Variants in AK5 observed in about 807,000 individuals in gnomAD.
AK5 encodes the protein adenylate kinase isoenzyme 5.
A neutral mutation model predicts 69.5 loss-of-function variants in AK5; 27 were observed. The ratio of observed to expected loss-of-function variants is 0.39; its 90% confidence interval spans 0.29 to 0.54. AK5 has a LOEUF of 0.54. Ranked by LOEUF, AK5 falls within the 20% of genes least tolerant of loss-of-function variation. The probability of loss-of-function intolerance (pLI) is 0.71; values close to 1 mark genes in which losing one functional copy is unlikely to be tolerated. For missense variants in AK5, 531 were observed against 700.4 expected (o/e 0.76, Z 2.73); for synonymous variants, 260 against 244.4 (o/e 1.06, Z -0.60).
chr1:77,467,435 A>C (rs1252126746), intron 8 of AK5, among the ~76,000 whole-genome samples: 1 of 151,946 alleles, frequency 6.6e-6, no homozygotes, highest in African/African-American at 2.4e-5. Flanking sequence ...AATAGGAAAA[A>C]CACTTCGGAA....
intron 6 of AK5, among the ~76,000 whole-genome samples, chr1:77,391,125 A>G (rs1310287134): frequency 6.6e-6 from 1 of 152,088 alleles, no homozygotes; most frequent in Admixed American, 6.6e-5. Flanking sequence ...AGAAGGGAGG[A>G]AAAGGAGTCA....
chr1:77,461,606 C>G (rs538305347), intron 8 of AK5, among the ~76,000 whole-genome samples: 1 of 151,754 alleles, frequency 6.6e-6, no homozygotes, highest in Non-Finnish European at 1.5e-5. Context: ...CCCGTCTCTA[C>G]TAAAATTAGA....
chr1:77,439,069 G>C (rs966501117), intron 8 of AK5, among the ~76,000 whole-genome samples: 1 of 152,096 alleles, frequency 6.6e-6, no homozygotes, highest in Non-Finnish European at 1.5e-5. Context: ...CATTTCAGGG[G>C]CTGATAATCT....
In AK5 at chr1:77,518,599, A is replaced by C; in HGVS notation, c.1183A>C (p.Lys395Gln). 1.9e-6 allele frequency: 3 copies of C among 1,614,172 alleles called. No individual in the cohort carries two copies. Among genetic ancestry groups the C allele is most frequent in the Non-Finnish European group, 2.5e-6 (3 of 1,180,006 alleles). Residue 395 changes from lysine to glutamine, a missense_variant, in exon 11 of 14, where the codon AAG becomes CAG. Coordinates refer to ENST00000354567, the MANE Select transcript of AK5 (RefSeq NM_174858.3). ...PGSGKGTQCE[K>Q]LVEKYGFTHL... is the part of the protein sequence containing the mutation. ...CTCTGGCAAAGGCACACAGTGTGAA[A>C]AGCTGGTGGAAAAATATGGATTTAC...
chr1:77,397,541 A>T (rs890250362), intron 6 of AK5, among the ~76,000 whole-genome samples: 7 of 152,134 alleles, frequency 4.6e-5, no homozygotes, highest in African/African-American at 1.7e-4. Context: ...ATCCAATTAA[A>T]TTTTTTTAAT....
At chr1:77,326,525 ATTTTCC>A (rs1660813052) in intron 5 of AK5, among the ~76,000 whole-genome samples, 1 of 151,766 alleles carries the variant, frequency 6.6e-6, no homozygotes, top group Non-Finnish European at 1.5e-5. Flanking sequence ...TTTTTAGTCT[ATTTTCC>A]ATTCAGTAGG....
chr1:77,367,644 G>T (rs1196664812), intron 6 of AK5, among the ~76,000 whole-genome samples: 1 of 40,384 alleles, frequency 2.5e-5, no homozygotes. Context: ...TATATGTTAT[G>T]TTATATATGT....
intron 6 of AK5, among the ~76,000 whole-genome samples, chr1:77,366,871 T>C (rs1405802652): frequency 2.6e-5 from 4 of 151,284 alleles, no homozygotes; most frequent in Admixed American, 1.3e-4. Context: ...TTTTAACTTA[T>C]ATATACCTTA....
intron 8 of AK5, among the ~76,000 whole-genome samples, chr1:77,439,673 A>G (rs1392413773): frequency 2.0e-5 from 3 of 151,754 alleles, no homozygotes; most frequent in Admixed American, 6.6e-5. Flanking sequence ...TGCCTGGCTT[A>G]TTTCACTTAA....
rs557420972 is a variant in AK5, at chr1:77,291,718, A to G, written c.248-2075A>G. 1.3e-5 allele frequency among the ~76,000 whole-genome samples: 2 copies of G among 152,368 alleles called. 1 individual carries two copies. Among genetic ancestry groups the G allele is most frequent in the South Asian group, 4.1e-4 (2 of 4,830 alleles). On this transcript the variant is annotated intron_variant, in intron 2 of 13. Transcript: ENST00000354567. ...TCTGCCAAGCACAGTTCTAGATCCC[A>G]GGGATACAGAGCTCCAGACCGTAGG...
intron 6 of AK5, among the ~76,000 whole-genome samples, chr1:77,343,563 C>A (rs139091626): frequency 6.6e-5 from 10 of 152,216 alleles, no homozygotes; most frequent in African/African-American, 2.4e-4. Flanking sequence ...CTCCATGCAG[C>A]CGCTTTGCCT....
intron 12 of AK5, among the ~76,000 whole-genome samples, chr1:77,527,764 A>C (rs1003843511): frequency 6.6e-6 from 1 of 152,202 alleles, no homozygotes; most frequent in Non-Finnish European, 1.5e-5. Flanking sequence ...CTCCTGCTTT[A>C]AACCTGACCA....
chr1:77,446,647 C>T (rs900222901), intron 8 of AK5, among the ~76,000 whole-genome samples: 3 of 151,912 alleles, frequency 2.0e-5, no homozygotes, highest in African/African-American at 7.3e-5. Context: ...AAATTTATTC[C>T]TAAATATTTT....
intron 8 of AK5, among the ~76,000 whole-genome samples, chr1:77,469,785 A>T (rs1215951975): frequency 6.6e-6 from 1 of 152,242 alleles, no homozygotes; most frequent in Non-Finnish European, 1.5e-5. Context: ...CTTGAAGCAT[A>T]GCCGTGGAAC....
In AK5 at chr1:77,368,302, A is replaced by G. The variant is rs566948525; in HGVS notation, c.891+27734A>G. On this transcript the variant is annotated intron_variant, in intron 6 of 13. Transcript: ENST00000354567. ...TATATGTTATATATATGTTATATATAATATATATGTTATATATAATATATA... is the reference window on the plus strand; with the variant it reads ...TATATGTTATATATATGTTATATATGATATATATGTTATATATAATATATA... Among the ~76,000 whole-genome samples, 12 of 98,186 alleles carry G rather than the reference A, an allele frequency of 1.2e-4. 1 individual carries two copies. The Admixed American group carries it at 1.4e-3, about 12-fold the overall frequency. 64.4% of individuals were successfully genotyped at this position (98,186 alleles called of 152,430 possible).
chr1:77,559,434 A>G lies in AK5; in HGVS notation c.*764A>G, dbSNP rs1342357885. 1 of 152,218 alleles carries G rather than the reference A, an allele frequency of 6.6e-6. No individual in the cohort carries two copies. Among genetic ancestry groups the G allele is most frequent in the African/African-American group, 2.4e-5 (1 of 41,440 alleles). 9.4% of individuals were successfully genotyped at this position (152,218 alleles called of 1,614,324 possible). On this transcript the variant is annotated 3_prime_UTR_variant, in exon 14 of 14. Coordinates refer to ENST00000354567, the MANE Select transcript of AK5 (RefSeq NM_174858.3). ...TCTCTACATGGTGATGCATTTCAGC[A>G]ATTATAAATTAATATAAATGACCAA...
intron 6 of AK5, among the ~76,000 whole-genome samples, chr1:77,391,989 G>A (rs1648518333): frequency 6.6e-6 from 1 of 151,942 alleles, no homozygotes; most frequent in Non-Finnish European, 1.5e-5. Context: ...TACAACAAAT[G>A]GACAGGTACG....
At chr1:77,394,111 A>T (rs887880332) in intron 6 of AK5, among the ~76,000 whole-genome samples, 4 of 151,816 alleles carry the variant, frequency 2.6e-5, no homozygotes, top group African/African-American at 4.8e-5. Flanking sequence ...GCTACTCGGG[A>T]GGCTGAGGCA....
intron 8 of AK5, among the ~76,000 whole-genome samples, chr1:77,457,158 C>G (rs992455414): frequency 1.3e-5 from 2 of 152,178 alleles, no homozygotes; most frequent in Non-Finnish European, 2.9e-5. Context: ...TCTCTCCTCA[C>G]ATTCCTGGAA....
Sources: gnomAD v4.1 joint callset for allele counts (sites outside exome capture counted in the v4.1 genomes callset) on GRCh38, gnomAD v4.1.1 for gene constraint, MANE v1.5 for transcripts, NCBI Gene and HGNC (gene_info 2026-07-23, HGNC 2026-07-21) for gene names.